The following TBC1D2 variants were observed in gnomAD, a reference collection of about 807,000 sequenced individuals.
TBC1D2 encodes the protein TBC1 domain family member 2, also known as TBC1 domain family member 2A.
Under a neutral mutation model 91.1 loss-of-function variants are expected in TBC1D2, and 58 were observed. That is an observed-to-expected ratio of 0.64 (90% confidence interval 0.52 to 0.79). The LOEUF (loss-of-function observed/expected upper bound fraction) is 0.79. TBC1D2 is among the 30% of genes least tolerant of loss of function. The probability of loss-of-function intolerance (pLI) is 0.00; values close to 1 mark genes in which losing one functional copy is unlikely to be tolerated. For missense variants in TBC1D2, 1,080 were observed against 1,208.3 expected (o/e 0.89, Z 1.57); for synonymous variants, 482 against 511.5 (o/e 0.94, Z 0.78).
At chr9:98,223,828 T>C (rs1829156491) in intron 5 of TBC1D2, among the ~76,000 whole-genome samples, 1 of 152,108 alleles carries the variant, frequency 6.6e-6, no homozygotes, top group Non-Finnish European at 1.5e-5. Context: ...GTAGGACTTG[T>C]AAGATGAGGA....
intron 6 of TBC1D2, among the ~76,000 whole-genome samples, chr9:98,216,401 C>T (rs1000153676): frequency 2.0e-5 from 3 of 151,964 alleles, no homozygotes; most frequent in Non-Finnish European, 4.4e-5. Flanking sequence ...AAAGGACCTA[C>T]CATGACCTGA....
At chr9:98,218,201 T>A (rs767279779) in intron 6 of TBC1D2, among the ~76,000 whole-genome samples, 4 of 151,880 alleles carry the variant, frequency 2.6e-5, no homozygotes, top group African/African-American at 4.8e-5. Context: ...CCTCTGAGGA[T>A]CATATGCAAG....
Position 98,199,238 on chromosome 9 carries a change from A to G in TBC1D2, c.*143T>C. 1 of 889,850 alleles carries G rather than the reference A, an allele frequency of 1.1e-6. No homozygotes were observed. 55.1% of individuals were successfully genotyped at this position (889,850 alleles called of 1,614,324 possible). On this transcript the variant is annotated 3_prime_UTR_variant, in exon 13 of 13. Coordinates refer to ENST00000465784, the MANE Select transcript of TBC1D2 (RefSeq NM_001267571.2). ...CAGCACACAATGTCCCAGTGGGGAA[A>G]CTGAGGGCCAGAGAGGGGAAGGGAC...
chr9:98,229,379 G>A lies in TBC1D2; in HGVS notation c.782-231C>T, dbSNP rs112128043. ...AGGGGTTAGACTGTGAGAACCACTG[G>A]CCTACATAAACGTTATTGCACTGTG... On this transcript the variant is annotated intron_variant, in intron 4 of 12. Transcript: ENST00000465784. Among the ~76,000 whole-genome samples, 658 of 152,322 alleles carry A rather than the reference G, an allele frequency of 4.3e-3. 4 individuals carry two copies. Among genetic ancestry groups the A allele is most frequent in the African/African-American group, 0.015 (638 of 41,568 alleles).
Position 98,210,801 on chromosome 9 carries a change from A to T in TBC1D2, c.1528T>A (p.Tyr510Asn), listed in dbSNP as rs1379029986. 6 of 1,553,236 alleles carry T rather than the reference A, an allele frequency of 3.9e-6. No homozygotes were observed. In the East Asian group the frequency reaches 1.5e-4, roughly 38 times the overall value. Reference protein sequence around the residue: ...QARNCQVESKYLAGLRRLQEA... With the variant: ...QARNCQVESKNLAGLRRLQEA... ...TGCAGCCTTCTCAGACCGGCCAGGTACTTGCTTTCCACCTGGCAGTTTCTG... is the reference window on the plus strand; with the variant it reads ...TGCAGCCTTCTCAGACCGGCCAGGTTCTTGCTTTCCACCTGGCAGTTTCTG... Residue 510 changes from tyrosine to asparagine, a missense_variant, in exon 8 of 13, where the codon TAC becomes AAC. By Grantham distance (143) the Tyr-to-Asn change is moderately radical (BLOSUM62 -2). Coordinates refer to ENST00000465784, the MANE Select transcript of TBC1D2 (RefSeq NM_001267571.2).
At chr9:98,204,391 AG>A (rs1828594878) in intron 9 of TBC1D2, among the ~76,000 whole-genome samples, 1 of 152,188 alleles carries the variant, frequency 6.6e-6, no homozygotes, top group Admixed American at 6.6e-5. Flanking sequence ...AGGGTCGCCC[AG>A]GGGGTCCACA....
intron 1 of TBC1D2, 79 bp from the exon 2 acceptor site, chr9:98,252,005 G>T: frequency 6.6e-7 from 1 of 1,517,956 alleles, no homozygotes; most frequent in Non-Finnish European, 8.8e-7. Flanking sequence ...GAAGGTTGTG[G>T]GAGGCTTAGG....
At chr9:98,212,604 C>G (rs1450053860) in intron 7 of TBC1D2, among the ~76,000 whole-genome samples, 2 of 152,096 alleles carry the variant, frequency 1.3e-5, no homozygotes, top group African/African-American at 4.8e-5. Flanking sequence ...CAGGTTCACG[C>G]CATTCTCCTG....
chr9:98,240,791 C>A (rs1242924482), intron 3 of TBC1D2, among the ~76,000 whole-genome samples: 1 of 152,182 alleles, frequency 6.6e-6, no homozygotes, highest in East Asian at 1.9e-4. Context: ...AAGCTCGCTA[C>A]CTTCTGAAAT....
intron 3 of TBC1D2, among the ~76,000 whole-genome samples, chr9:98,240,784 C>A (rs1200390923): frequency 6.6e-6 from 1 of 152,188 alleles, no homozygotes; most frequent in Non-Finnish European, 1.5e-5. Context: ...GAATGGGAAG[C>A]TCGCTACCTT....
rs1009757108 is a variant in TBC1D2, at chr9:98,208,600, G to C, written c.2150+68C>G. On this transcript the variant is annotated intron_variant, in intron 9 of 12. Transcript: ENST00000465784. ...GGCCACAGATGGCTGCCTGTCCACA[G>C]TCTGAGGGTTGGGGACCTGCGCTCC... is the stretch of plus-strand genomic sequence containing the variant. 3 of 1,469,234 alleles carry C rather than the reference G, an allele frequency of 2.0e-6. No homozygotes were observed. The East Asian group carries it at 6.9e-5, about 34-fold the overall frequency. The allele number at this position is 1,469,234 out of a possible 1,614,324, so 91.0% of individuals were successfully genotyped here. A position where few individuals can be genotyped will look rare whatever the true frequency, so the allele number is the denominator to read the frequency against.
chr9:98,228,606 C>T lies in TBC1D2; in HGVS notation c.978+346G>A, dbSNP rs1189538569. 1.3e-5 allele frequency among the ~76,000 whole-genome samples: 2 copies of T among 152,152 alleles called. No individual in the cohort carries two copies. Among genetic ancestry groups the T allele is most frequent in the African/African-American group, 4.8e-5 (2 of 41,432 alleles). On this transcript the variant is annotated intron_variant, in intron 5 of 12. Coordinates refer to ENST00000465784, the MANE Select transcript of TBC1D2 (RefSeq NM_001267571.2). This position sits in a 1 kb window ranked among gnomAD's most constrained non-coding sequence, Gnocchi z 4.0. ...TCAAAGTTCCCCCCAGTTCTATCGA[C>T]AGCCCCTCCCATGACCCTGCATCCA...
chr9:98,253,839 T>TCTCTCCCACCAGA (rs765486118), intron 1 of TBC1D2, among the ~76,000 whole-genome samples: 7 of 151,984 alleles, frequency 4.6e-5, no homozygotes, highest in Non-Finnish European at 1.0e-4. Flanking sequence ...TCTCCCTCAG[T>TCTCTCCCACCAGA]CTCTCCCACC....
chr9:98,221,343 C>A, intron 5 of TBC1D2, 115 bp from the exon 6 acceptor site: 1 of 1,284,736 alleles, frequency 7.8e-7, no homozygotes, highest in Non-Finnish European at 1.0e-6. Flanking sequence ...CCAGCAGCAT[C>A]CCTGCGGCAT....
intron 3 of TBC1D2, among the ~76,000 whole-genome samples, chr9:98,236,733 C>G (rs768379276): frequency 6.6e-6 from 1 of 152,084 alleles, no homozygotes. Flanking sequence ...TATAATTACA[C>G]CTTAGGAATC....
At chr9:98,230,720 G>C (rs183964388) in intron 4 of TBC1D2, among the ~76,000 whole-genome samples, 1 of 137,018 alleles carries the variant, frequency 7.3e-6, no homozygotes, top group East Asian at 2.1e-4. Flanking sequence ...ATCACTTGAA[G>C]TCAGGAGTTC....
intron 3 of TBC1D2, 133 bp downstream of exon 3, chr9:98,243,861 T>C: frequency 8.2e-7 from 1 of 1,225,252 alleles, no homozygotes; most frequent in Non-Finnish European, 1.1e-6. Flanking sequence ...AAAGTGATGA[T>C]GTGATTAATT....
chr9:98,233,106 C>G (rs1829412010), intron 4 of TBC1D2, among the ~76,000 whole-genome samples: 1 of 152,194 alleles, frequency 6.6e-6, no homozygotes, highest in African/African-American at 2.4e-5. Flanking sequence ...GCAGCAGAGA[C>G]CAGAGCTCTT....
chr9:98,250,382 G>A (rs1829847875), intron 2 of TBC1D2, among the ~76,000 whole-genome samples: 1 of 151,954 alleles, frequency 6.6e-6, no homozygotes, highest in Non-Finnish European at 1.5e-5. Flanking sequence ...AAGGGGATGG[G>A]TTCTGGCATG....
Sources: gnomAD v4.1 joint callset for allele counts (sites outside exome capture counted in the v4.1 genomes callset) on GRCh38, gnomAD v4.1.1 for gene constraint, Gnocchi (gnomAD v3.1) non-coding constraint, MANE v1.5 for transcripts, NCBI Gene and HGNC (gene_info 2026-07-23, HGNC 2026-07-21) for gene names.